The following WDFY3 variants were observed in gnomAD, a reference collection of about 807,000 sequenced individuals.
WDFY3 encodes the protein WD repeat and FYVE domain-containing protein 3.
Under a neutral mutation model 409.6 loss-of-function variants are expected in WDFY3, and 66 were observed. The ratio of observed to expected loss-of-function variants is 0.16; its 90% CI spans 0.13 to 0.20. The LOEUF is 0.20. Ranked by LOEUF, WDFY3 falls within the 10% of genes least tolerant of loss-of-function variation. WDFY3 has a pLI of 1.00. For missense variants in WDFY3, 3,031 were observed against 4,298.1 expected, an observed-to-expected ratio of 0.71 and a Z score of 8.24; for synonymous variants, 1,521 against 1,537.1, an observed-to-expected ratio of 0.99 and a Z score of 0.25.
Position 84,751,731 on chromosome 4 carries a change from TG to T in WDFY3, c.5740-16del, listed in dbSNP as rs776086178. 1 of 1,613,502 alleles carries T rather than the reference TG, an allele frequency of 6.2e-7. No homozygotes were observed. The highest frequency in any genetic ancestry group is 2.2e-5 in the East Asian group (1 of 44,872). Reference sequence around the variant, plus strand: ...AGGTCAGTCACCTAGTAAAATCAAGTGGAAAGATACGGTAATCACATTAGAC... The same window carrying T: ...AGGTCAGTCACCTAGTAAAATCAAGTGAAAGATACGGTAATCACATTAGAC... On this transcript the variant is annotated splice_polypyrimidine_tract_variant and intron_variant, in intron 35 of 67. Transcript: ENST00000295888.
At chr4:84,791,647 A>G (rs116086808) in intron 21 of WDFY3, among the ~76,000 whole-genome samples, 5 of 152,204 alleles carry the variant, frequency 3.3e-5, no homozygotes, top group African/African-American at 1.2e-4. Flanking sequence ...GCTCAACGAC[A>G]CAAGAGGACA....
chr4:84,919,438 G>C (rs924424275), intron 2 of WDFY3, among the ~76,000 whole-genome samples: 9 of 151,726 alleles, frequency 5.9e-5, no homozygotes, highest in Non-Finnish European at 1.2e-4. Flanking sequence ...CTGTCTTAAA[G>C]TGTCTCCCTC....
intron 67 of WDFY3, among the ~76,000 whole-genome samples, chr4:84,676,542 A>C (rs372579625): frequency 1.3e-5 from 2 of 152,092 alleles, no homozygotes; most frequent in East Asian, 3.9e-4. Context: ...GTGTATTAGA[A>C]GGGCATTTAT....
Position 84,672,707 on chromosome 4 carries a change from C to G in WDFY3, c.*161G>C, listed in dbSNP as rs541110791. 3.6e-5 allele frequency: 38 copies of G among 1,057,264 alleles called. No homozygotes were observed. In the South Asian group the frequency reaches 6.1e-4, roughly 17 times the overall value. 65.5% of individuals were successfully genotyped at this position (1,057,264 alleles called of 1,614,324 possible). On this transcript the variant is annotated 3_prime_UTR_variant, in exon 68 of 68. Transcript: ENST00000295888. ...ATCGCGTCTGCCCCATTCCTGTACT[C>G]TACACCCGTTTTATTCAATGATCCC... is the stretch of plus-strand genomic sequence containing the variant.
chr4:84,852,671 T>C (rs557379170), intron 4 of WDFY3, among the ~76,000 whole-genome samples: 3 of 151,936 alleles, frequency 2.0e-5, no homozygotes, highest in South Asian at 4.1e-4. Context: ...CCTCAACACA[T>C]TTTTTTCCTG....
chr4:84,948,647 T>C (rs1414279356), intron 1 of WDFY3, among the ~76,000 whole-genome samples: 1 of 152,218 alleles, frequency 6.6e-6, no homozygotes, highest in Non-Finnish European at 1.5e-5. Context: ...TTAGGATTTC[T>C]AGCTCGTTAT....
intron 32 of WDFY3, among the ~76,000 whole-genome samples, chr4:84,761,350 C>T (rs1742558240): frequency 6.6e-6 from 1 of 152,060 alleles, no homozygotes; most frequent in East Asian, 1.9e-4. Context: ...AGTTCAATTC[C>T]TGGGTATCCT....
chr4:84,784,569 G>A (rs1190610494), intron 24 of WDFY3, among the ~76,000 whole-genome samples: 1 of 151,886 alleles, frequency 6.6e-6, no homozygotes, highest in Non-Finnish European at 1.5e-5. Context: ...CGGGTGGGAT[G>A]GCTCACACCT....
At chr4:84,810,721 A>T (rs1752352062) in intron 13 of WDFY3, among the ~76,000 whole-genome samples, 1 of 152,216 alleles carries the variant, frequency 6.6e-6, no homozygotes, top group South Asian at 2.1e-4. Flanking sequence ...CTGTGTGTAT[A>T]CAAACTGATT....
At chr4:84,810,376 A>G in intron 13 of WDFY3, 32 bp from the exon 14 acceptor site, 7 of 1,437,548 alleles carry the variant, frequency 4.9e-6, no homozygotes, top group Non-Finnish European at 6.4e-6. Context: ...ACAAATGAAA[A>G]TACACATAAT....
intron 63 of WDFY3, 31 bp downstream of exon 63, chr4:84,683,912 T>C (rs1727851179): frequency 1.3e-6 from 2 of 1,553,740 alleles, no homozygotes; most frequent in Non-Finnish European, 1.8e-6. Flanking sequence ...ATGACAAATA[T>C]CCTAATGAGT....
At position 84,739,328 on chromosome 4, in the gene WDFY3, T is replaced by C. The variant is rs186313906; in HGVS notation, c.6465-209A>G. 85 of 510,050 alleles carry C rather than the reference T, an allele frequency of 1.7e-4. 1 individual carries two copies. Among genetic ancestry groups the C allele is most frequent in the Non-Finnish European group, 2.5e-5 (7 of 284,278 alleles). 31.6% of individuals were successfully genotyped at this position (510,050 alleles called of 1,614,324 possible). The stretch of plus-strand genomic sequence containing the variant: ...GACTAAATGTAATTAGACTGATCTA[T>C]AGCATCAAGATTATTACCTTAATAT... On this transcript the variant is annotated intron_variant, in intron 39 of 67. Coordinates refer to ENST00000295888, the MANE Select transcript of WDFY3 (RefSeq NM_014991.6).
chr4:84,886,518 T>C (rs1013047965), intron 3 of WDFY3: 1 of 152,112 alleles, frequency 6.6e-6, no homozygotes, highest in Admixed American at 6.6e-5. Flanking sequence ...CTAAAGTGAT[T>C]CTTAGCTATT....
At chr4:84,797,682 G>A (rs1436570076) in intron 18 of WDFY3, among the ~76,000 whole-genome samples, 3 of 151,956 alleles carry the variant, frequency 2.0e-5, no homozygotes, top group Non-Finnish European at 2.9e-5. Context: ...CCGGGTTCAC[G>A]CCATTCTCCT....
chr4:84,694,096 A>G (rs1399925664), intron 58 of WDFY3, among the ~76,000 whole-genome samples: 1 of 152,220 alleles, frequency 6.6e-6, no homozygotes, highest in Non-Finnish European at 1.5e-5. Context: ...AAGGGAAAAA[A>G]ACAGAAAAAA....
chr4:84,679,558 C>G (rs1256811715), intron 64 of WDFY3, among the ~76,000 whole-genome samples: 1 of 152,110 alleles, frequency 6.6e-6, no homozygotes, highest in African/African-American at 2.4e-5. Flanking sequence ...TAGATGGTGT[C>G]ACTCCAGCTC....
At chr4:84,847,991 T>C (rs182017030) in intron 5 of WDFY3, among the ~76,000 whole-genome samples, 2 of 150,448 alleles carry the variant, frequency 1.3e-5, no homozygotes, top group Non-Finnish European at 3.0e-5. Flanking sequence ...TCTTAGCAAG[T>C]AGTCAAAACA....
In WDFY3 at chr4:84,736,174, G is replaced by A. The variant is rs376109299; in HGVS notation, c.6911C>T (p.Thr2304Ile). 1 of 1,608,764 alleles carries A rather than the reference G, an allele frequency of 6.2e-7. No homozygotes were observed. The highest frequency in any genetic ancestry group is 1.3e-5 in the African/African-American group (1 of 74,808). Reference sequence around the variant, plus strand: ...GCAATGAAACTAAAAAAGTACCTGGGTGGAAAGACTGTGTTTATTAAGACC... The same window carrying A: ...GCAATGAAACTAAAAAAGTACCTGGATGGAAAGACTGTGTTTATTAAGACC... ...ESGLNKHSLS[T>I]QEISQWMFTH... The change falls in exon 42 of 68, where the codon ACC becomes ATC. Residue 2304 changes from threonine to isoleucine, a missense_variant. Physicochemically the swap from Thr to Ile is moderately conservative, Grantham distance 89. This residue lies in a region of WDFY3 where 98 missense variants were observed against 194.9 expected (regional missense o/e 0.50). Coordinates refer to ENST00000295888, the MANE Select transcript of WDFY3 (RefSeq NM_014991.6).
intron 1 of WDFY3, among the ~76,000 whole-genome samples, chr4:84,937,526 T>G (rs1490087707): frequency 6.6e-6 from 1 of 152,146 alleles, no homozygotes; most frequent in East Asian, 1.9e-4. Flanking sequence ...TGTCCCTCAC[T>G]TGGATTTTTG....
Sources: allele counts gnomAD v4.1 joint callset (sites outside exome capture counted in the v4.1 genomes callset), GRCh38; gene constraint gnomAD v4.1.1; regional missense constraint gnomAD v4.1.1; transcripts MANE v1.5; gene names NCBI Gene and HGNC (gene_info 2026-07-23, HGNC 2026-07-21).